MAN2A1: variants seen among roughly 807,000 people sequenced by gnomAD.
MAN2A1 encodes the protein mannosidase alpha class 2A member 1.
MAN2A1 carries 76 observed loss-of-function variants against 142.6 expected under a neutral mutation model. That is an observed-to-expected ratio of 0.53 (90% CI 0.44 to 0.65). The LOEUF is 0.65. Ranked by LOEUF, MAN2A1 falls within the 30% of genes least tolerant of loss-of-function variation. The pLI is 0.00. For synonymous variants in MAN2A1, 559 were observed against 473.2 expected (o/e 1.18, Z -2.35); for missense variants, 1,311 against 1,365.1 (o/e 0.96, Z 0.62).
chr5:109,794,805 C>A (rs1465173972), intron 12 of MAN2A1, among the ~76,000 whole-genome samples: 1 of 152,056 alleles, frequency 6.6e-6, no homozygotes. Flanking sequence ...GGATGCTTTT[C>A]TGTTTAAATA....
Position 109,853,366 on chromosome 5 carries a change from A to G in MAN2A1, c.2977-1774A>G, listed in dbSNP as rs949873266. On this transcript the variant is annotated intron_variant, in intron 19 of 21. Coordinates refer to ENST00000261483, the MANE Select transcript of MAN2A1 (RefSeq NM_002372.4). Reference sequence around the variant, plus strand: ...TGTAGATTTGGGATAGGACCCAAGAATCTATGTTGATTAGAGGTGCCCCAA... The same window carrying G: ...TGTAGATTTGGGATAGGACCCAAGAGTCTATGTTGATTAGAGGTGCCCCAA... Among the ~76,000 whole-genome samples, 6 of 152,250 alleles carry G rather than the reference A, an allele frequency of 3.9e-5. No homozygotes were observed. The East Asian group carries it at 7.7e-4, about 20-fold the overall frequency.
intron 4 of MAN2A1, among the ~76,000 whole-genome samples, chr5:109,740,193 G>A (rs1245694581): frequency 1.3e-5 from 2 of 152,196 alleles, no homozygotes; most frequent in East Asian, 3.9e-4. Flanking sequence ...TAGTTCCTCT[G>A]TTGGAGAATT....
At chr5:109,717,058 G>A (rs1014441947) in intron 3 of MAN2A1, among the ~76,000 whole-genome samples, 3 of 149,426 alleles carry the variant, frequency 2.0e-5, no homozygotes, top group Non-Finnish European at 4.5e-5. Context: ...TAATTTAGTT[G>A]CAGCATTTTT....
At chr5:109,798,972 G>T (rs1490656586) in intron 12 of MAN2A1, among the ~76,000 whole-genome samples, 23 of 152,104 alleles carry the variant, frequency 1.5e-4, no homozygotes, top group Admixed American at 1.5e-3. Context: ...GATTACAGGT[G>T]TGAGCCATCG....
At chr5:109,846,123 C>G in intron 18 of MAN2A1, 117 bp downstream of exon 18, 1 of 907,202 alleles carries the variant, frequency 1.1e-6, no homozygotes, top group Admixed American at 3.1e-5. Flanking sequence ...TTCTTTTCAG[C>G]TTTTTTCTTT....
intron 12 of MAN2A1, among the ~76,000 whole-genome samples, chr5:109,790,073 A>G (rs1283910584): frequency 6.6e-6 from 1 of 151,876 alleles, no homozygotes; most frequent in Non-Finnish European, 1.5e-5. Context: ...GCTACCTAAT[A>G]ATTATAAAGA....
At chr5:109,764,573 C>G (rs1752940473) in intron 5 of MAN2A1, among the ~76,000 whole-genome samples, 1 of 152,138 alleles carries the variant, frequency 6.6e-6, no homozygotes. Context: ...TTCTCCACTC[C>G]TTTCATATCA....
intron 4 of MAN2A1, among the ~76,000 whole-genome samples, chr5:109,736,811 C>G (rs1341833692): frequency 6.6e-6 from 1 of 152,030 alleles, no homozygotes; most frequent in Non-Finnish European, 1.5e-5. Flanking sequence ...TTCCTAATTC[C>G]TTCTACTCAC....
chr5:109,832,277 A>G (rs1319207732), intron 16 of MAN2A1, among the ~76,000 whole-genome samples: 2 of 150,500 alleles, frequency 1.3e-5, no homozygotes, highest in Non-Finnish European at 2.9e-5. Context: ...GCAGATAAAC[A>G]TGTGAACAAG....
intron 16 of MAN2A1, among the ~76,000 whole-genome samples, chr5:109,824,765 A>G (rs578190302): frequency 7.0e-4 from 106 of 152,328 alleles, no homozygotes; most frequent in Admixed American, 1.9e-3. Context: ...AAGGGATACT[A>G]TGTTCAGGGA....
rs577640306 is a variant in MAN2A1, at chr5:109,697,307, G to A, written c.135+6755G>A. Among the ~76,000 whole-genome samples the A allele has an allele frequency of 3.3e-5, 5 of 152,298 alleles. No homozygotes were observed. In the East Asian group the frequency reaches 9.6e-4, roughly 29 times the overall value. ...AAATATCTTCTTGAGATGAGAAAAA[G>A]CAGGGAAAGAAACTGGAAAATAAGG... On this transcript the variant is annotated intron_variant, in intron 1 of 21. Coordinates refer to ENST00000261483, the MANE Select transcript of MAN2A1 (RefSeq NM_002372.4).
chr5:109,733,322 A>T (rs1183032048), intron 4 of MAN2A1, among the ~76,000 whole-genome samples: 3 of 152,138 alleles, frequency 2.0e-5, no homozygotes, highest in South Asian at 2.1e-4. Context: ...GGACAATGTG[A>T]CTTCCTCTTT....
intron 20 of MAN2A1, chr5:109,863,352 A>T (rs1359105686): frequency 6.6e-6 from 1 of 152,208 alleles, no homozygotes; most frequent in Non-Finnish European, 1.5e-5. Context: ...GATCTTTGTT[A>T]AGCTATTTCA....
chr5:109,722,483 C>T (rs527433564), intron 3 of MAN2A1, among the ~76,000 whole-genome samples: 73 of 152,244 alleles, frequency 4.8e-4, no homozygotes, highest in African/African-American at 1.6e-3. Flanking sequence ...GGTGCAATCT[C>T]AGTTCACTGC....
At chr5:109,826,192 C>G (rs147366993) in intron 16 of MAN2A1, among the ~76,000 whole-genome samples, 164 of 152,090 alleles carry the variant, frequency 1.1e-3, no homozygotes, top group African/African-American at 3.8e-3. Flanking sequence ...AGGCATGAGC[C>G]ACTGCACCTG....
At chr5:109,861,396 T>C (rs568658053) in intron 20 of MAN2A1, among the ~76,000 whole-genome samples, 77 of 152,332 alleles carry the variant, frequency 5.1e-4, no homozygotes, top group Non-Finnish European at 9.3e-4. Flanking sequence ...ATTCCTGATA[T>C]TTTAGGTTGG....
intron 1 of MAN2A1, among the ~76,000 whole-genome samples, chr5:109,711,016 T>C (rs1311337016): frequency 6.6e-6 from 1 of 152,050 alleles, no homozygotes; most frequent in Non-Finnish European, 1.5e-5. Context: ...TTAGTAGAGA[T>C]GGGGTTTCAC....
chr5:109,864,765 C>T, intron 20 of MAN2A1: 1 of 384,646 alleles, frequency 2.6e-6, no homozygotes, highest in South Asian at 5.2e-5. Context: ...ATAAGGAAAC[C>T]TAAGTCCTCG....
intron 18 of MAN2A1, among the ~76,000 whole-genome samples, chr5:109,847,337 A>G (rs1283494443): frequency 6.6e-6 from 1 of 151,856 alleles, no homozygotes; most frequent in Non-Finnish European, 1.5e-5. Context: ...AACTTAATTT[A>G]CTCTTTAGGT....
Sources: allele counts gnomAD v4.1 joint callset (sites outside exome capture counted in the v4.1 genomes callset), GRCh38; gene constraint gnomAD v4.1.1; transcripts MANE v1.5; gene names NCBI Gene and HGNC (gene_info 2026-07-23, HGNC 2026-07-21).